ATL1: variants seen among roughly 807,000 people sequenced by gnomAD.
ATL1 encodes the protein atlastin GTPase 1, also known as atlastin-1.
ATL1 carries 31 observed loss-of-function variants against 75.5 expected under a neutral mutation model. The observed-to-expected ratio is 0.41, with a 90% CI of 0.31 to 0.55. The LOEUF (loss-of-function observed/expected upper bound fraction) is 0.55. Among genes scored for constraint, ATL1 ranks in the 20% least tolerant of loss-of-function variants. The pLI is 0.27. For synonymous variants in ATL1, 226 were observed against 233.3 expected, an observed-to-expected ratio of 0.97 and a Z score of 0.28; for missense variants, 405 against 662.6, an observed-to-expected ratio of 0.61 and a Z score of 4.27.
At chr14:50,557,168 A>G (rs2140168592), upstream of ATL1, among the ~76,000 whole-genome samples, 1 of 152,320 alleles carries the variant, frequency 6.6e-6, no homozygotes, top group East Asian at 1.9e-4. Context: ...CTTTTTGATT[A>G]TAGTCATCAT....
At chr14:50,595,777 T>G (rs1245529901) in intron 6 of ATL1, 145 bp downstream of exon 6, 6 of 660,906 alleles carry the variant, frequency 9.1e-6, no homozygotes, top group Middle Eastern at 2.5e-4. Context: ...TGATGCAATA[T>G]AGAATGAGAT....
intron 2 of ATL1, among the ~76,000 whole-genome samples, chr14:50,590,248 T>A (rs1243370478): frequency 1.3e-5 from 2 of 152,214 alleles, no homozygotes; most frequent in African/African-American, 4.8e-5. Context: ...TAGCCCTACC[T>A]ACTTCTAGAA....
chr14:50,627,326 T>A (rs1429242567), intron 11 of ATL1, among the ~76,000 whole-genome samples: 1 of 152,236 alleles, frequency 6.6e-6, no homozygotes, highest in Non-Finnish European at 1.5e-5. Context: ...AACATAACTT[T>A]TATATGAATT....
At chr14:50,593,714 A>G (rs1344927748) in intron 4 of ATL1, 132 bp from the exon 5 acceptor site, 3 of 620,396 alleles carry the variant, frequency 4.8e-6, no homozygotes, top group Non-Finnish European at 8.8e-6. Flanking sequence ...AGGTCTTACA[A>G]ATATCATGTA....
intron 6 of ATL1, among the ~76,000 whole-genome samples, chr14:50,612,882 T>C (rs1335391088): frequency 2.0e-5 from 3 of 152,138 alleles, no homozygotes; most frequent in Admixed American, 6.6e-5. Context: ...GAAAAGCTGA[T>C]CTTATATCTT....
intron 1 of ATL1, among the ~76,000 whole-genome samples, chr14:50,564,035 G>A (rs1048666143): frequency 2.6e-5 from 4 of 152,008 alleles, no homozygotes; most frequent in African/African-American, 9.7e-5. Context: ...ATGCCAAAAG[G>A]TACCACAACA....
intron 13 of ATL1, chr14:50,630,853 G>A: frequency 2.6e-6 from 1 of 387,134 alleles, no homozygotes; most frequent in Admixed American, 3.4e-5. Context: ...AAATATAAGA[G>A]AATTAGAATT....
rs539035749 is a variant in ATL1 at position 50,595,530 on chromosome 14, C to T, written c.574-46C>T. ...GCAGGTGCTAAAGTTCTCTCTCTCT[C>T]TCTCTCTCTCTCTGTGTATGTGTGT... On this transcript the variant is annotated intron_variant, in intron 5 of 13. Transcript: ENST00000358385. The T allele has an allele frequency of 2.5e-6, 4 of 1,586,804 alleles. No individual in the cohort carries two copies. The African/African-American group carries it at 4.0e-5, about 16-fold the overall frequency.
At chr14:50,617,321 A>G (rs1367580210) in intron 8 of ATL1, among the ~76,000 whole-genome samples, 2 of 152,200 alleles carry the variant, frequency 1.3e-5, no homozygotes, top group African/African-American at 4.8e-5. Flanking sequence ...TGCTTACTGA[A>G]TACCTACCCT....
intron 11 of ATL1, among the ~76,000 whole-genome samples, chr14:50,626,636 A>T (rs554650024): frequency 1.1e-3 from 166 of 152,368 alleles, no homozygotes; most frequent in Non-Finnish European, 1.7e-3. Context: ...TTATTGGTAC[A>T]TAATAGATGT....
At chr14:50,611,331 A>C (rs531226204) in intron 6 of ATL1, among the ~76,000 whole-genome samples, 1 of 146,886 alleles carries the variant, frequency 6.8e-6, no homozygotes, top group African/African-American at 2.6e-5. Context: ...TAATAGGGGA[A>C]GTTCAGGATG....
chr14:50,564,650 A>G (rs1360378093), intron 1 of ATL1, among the ~76,000 whole-genome samples: 3 of 98,898 alleles, frequency 3.0e-5, no homozygotes, highest in African/African-American at 9.4e-5. Flanking sequence ...TCCGTCTCAA[A>G]AAAAAAAAAA....
At chr14:50,615,655 T>C (rs2039407797) in intron 8 of ATL1, among the ~76,000 whole-genome samples, 1 of 152,224 alleles carries the variant, frequency 6.6e-6, no homozygotes, top group Non-Finnish European at 1.5e-5. Context: ...ATAATTTCAC[T>C]GTCACACTTA....
intron 1 of ATL1, among the ~76,000 whole-genome samples, chr14:50,565,455 A>G (rs1414394487): frequency 6.7e-6 from 1 of 148,564 alleles, no homozygotes; most frequent in Non-Finnish European, 1.5e-5. Flanking sequence ...ACTGTACTCC[A>G]GCCTGGGTGG....
chr14:50,549,805 TC>T (rs1240789432), intron 1 of ATL1, among the ~76,000 whole-genome samples: 1 of 152,164 alleles, frequency 6.6e-6, no homozygotes, highest in Non-Finnish European at 1.5e-5. Flanking sequence ...ACATGCACTG[TC>T]CCAGAATGGC....
intron 11 of ATL1, 38 bp from the exon 12 acceptor site, chr14:50,627,993 C>T (rs1410527777): frequency 3.1e-6 from 5 of 1,608,960 alleles, no homozygotes; most frequent in Non-Finnish European, 3.4e-6. Flanking sequence ...CAATTTTACT[C>T]TGCATTGCAT....
intron 8 of ATL1, among the ~76,000 whole-genome samples, chr14:50,618,306 C>T (rs1047650580): frequency 6.6e-6 from 1 of 152,046 alleles, no homozygotes; most frequent in African/African-American, 2.4e-5. Context: ...CAATAAAACA[C>T]AAAACAGGAA....
At chr14:50,533,867 G>T (rs1201900677) in intron 1 of ATL1, among the ~76,000 whole-genome samples, 1 of 152,126 alleles carries the variant, frequency 6.6e-6, no homozygotes, top group Admixed American at 6.5e-5. Context: ...ACAGGACAGG[G>T]CATATATGTA....
At chr14:50,602,129 A>C (rs2039277235) in intron 6 of ATL1, among the ~76,000 whole-genome samples, 1 of 152,168 alleles carries the variant, frequency 6.6e-6, no homozygotes, top group Admixed American at 6.5e-5. Context: ...GTTCACTCTA[A>C]ATGCAGGCTG....
Sources: allele counts gnomAD v4.1 joint callset (sites outside exome capture counted in the v4.1 genomes callset), GRCh38; gene constraint gnomAD v4.1.1; transcripts MANE v1.5; gene names NCBI Gene and HGNC (gene_info 2026-07-23, HGNC 2026-07-21).